Variants in HS6ST3 observed in about 807,000 individuals in gnomAD.
HS6ST3 encodes the protein heparan-sulfate 6-O-sulfotransferase 3.
In HS6ST3, 12 loss-of-function variants were observed where a neutral mutation model predicts 36.7. The ratio of observed to expected loss-of-function variants is 0.33; its 90% CI spans 0.21 to 0.53. HS6ST3 has a LOEUF of 0.53. Ranked by LOEUF, HS6ST3 falls within the 20% of genes least tolerant of loss-of-function variation. The pLI is 0.95. For missense variants in HS6ST3, 584 were observed against 640.9 expected (o/e 0.91, Z 0.96); for synonymous variants, 240 against 257.5 (o/e 0.93, Z 0.65).
intron 1 of HS6ST3, among the ~76,000 whole-genome samples, chr13:96,652,880 G>A (rs1282219853): frequency 6.6e-6 from 1 of 152,060 alleles, no homozygotes; most frequent in Non-Finnish European, 1.5e-5. Context: ...TATAAAATAA[G>A]CAGCACTTAC....
chr13:96,110,039 A>G (rs1363163517), intron 1 of HS6ST3, among the ~76,000 whole-genome samples: 4 of 152,152 alleles, frequency 2.6e-5, no homozygotes, highest in Non-Finnish European at 5.9e-5. Context: ...GAGGCTTCTG[A>G]ATTAGTCCAT....
At chr13:96,307,340 A>G (rs1345179586) in intron 1 of HS6ST3, among the ~76,000 whole-genome samples, 1 of 152,192 alleles carries the variant, frequency 6.6e-6, no homozygotes, top group Non-Finnish European at 1.5e-5. Flanking sequence ...TCTGCAAACA[A>G]TGAGAATAAT....
Position 96,135,013 on chromosome 13 carries a change from C to T in HS6ST3, c.707+43444C>T, listed in dbSNP as rs150704058. Among the ~76,000 whole-genome samples the T allele has an allele frequency of 5.8e-4, 88 of 152,288 alleles. 1 individual carries two copies. Among genetic ancestry groups the T allele is most frequent in the African/African-American group, 1.8e-3 (73 of 41,552 alleles). ...GGGACCTGCAAGTTTCTCAGCACTGCGCCACATTACTGAAAGAAGAGGTCA... is the reference window on the plus strand; with the variant it reads ...GGGACCTGCAAGTTTCTCAGCACTGTGCCACATTACTGAAAGAAGAGGTCA... On this transcript the variant is annotated intron_variant, in intron 1 of 1. Coordinates refer to ENST00000376705, the MANE Select transcript of HS6ST3 (RefSeq NM_153456.4).
intron 1 of HS6ST3, among the ~76,000 whole-genome samples, chr13:96,666,025 G>A (rs1016629078): frequency 6.6e-6 from 1 of 152,124 alleles, no homozygotes; most frequent in Non-Finnish European, 1.5e-5. Context: ...AGACATACCC[G>A]AGACTGGGTA....
chr13:96,574,451 C>G, intron 1 of HS6ST3: 1 of 479,946 alleles, frequency 2.1e-6, no homozygotes, highest in Admixed American at 2.9e-5. Flanking sequence ...TTATTGACAG[C>G]ACTGTTTCCA....
intron 1 of HS6ST3, among the ~76,000 whole-genome samples, chr13:96,260,586 G>A (rs1470956957): frequency 2.6e-5 from 4 of 151,686 alleles, no homozygotes; most frequent in Admixed American, 2.6e-4. Flanking sequence ...CCAAAGTGCT[G>A]GGATTACAGG....
intron 1 of HS6ST3, among the ~76,000 whole-genome samples, chr13:96,690,102 C>T (rs1356842573): frequency 2.6e-5 from 4 of 152,062 alleles, no homozygotes; most frequent in Admixed American, 1.3e-4. Context: ...TCATTCCTTA[C>T]GTCCTTACAA....
chr13:96,427,610 C>T (rs1237691561), intron 1 of HS6ST3, among the ~76,000 whole-genome samples: 1 of 151,898 alleles, frequency 6.6e-6, no homozygotes, highest in Non-Finnish European at 1.5e-5. Context: ...AAAGATAGAA[C>T]TGAGAGTTTT....
intron 1 of HS6ST3, among the ~76,000 whole-genome samples, chr13:96,141,494 G>A (rs1457026854): frequency 6.6e-6 from 1 of 151,966 alleles, no homozygotes; most frequent in Admixed American, 6.6e-5. Context: ...GCTGAGACAG[G>A]TGTGCGCCAT....
At chr13:96,428,976 A>G (rs2055601025) in intron 1 of HS6ST3, among the ~76,000 whole-genome samples, 1 of 152,250 alleles carries the variant, frequency 6.6e-6, no homozygotes, top group South Asian at 2.1e-4. Flanking sequence ...TGACTATAAG[A>G]AAATCACGTG....
intron 1 of HS6ST3, among the ~76,000 whole-genome samples, chr13:96,299,667 T>C (rs1335778320): frequency 2.0e-5 from 3 of 152,176 alleles, no homozygotes; most frequent in Non-Finnish European, 2.9e-5. Context: ...ATTTGCACTT[T>C]AGCATGAAGT....
rs538883746 is a variant in HS6ST3 at position 96,338,235 on chromosome 13, C to T, written c.707+246666C>T. On this transcript the variant is annotated intron_variant, in intron 1 of 1. Coordinates refer to ENST00000376705, the MANE Select transcript of HS6ST3 (RefSeq NM_153456.4). Reference sequence around the variant, plus strand: ...AGTCACACAAAGGCTACTTGAAACTCCACAAATGGCCGGTGAGCCACGTTG... The same window carrying T: ...AGTCACACAAAGGCTACTTGAAACTTCACAAATGGCCGGTGAGCCACGTTG... 3.3e-5 allele frequency among the ~76,000 whole-genome samples: 5 copies of T among 152,212 alleles called. No homozygotes were observed. In the South Asian group the frequency reaches 1.0e-3, roughly 32 times the overall value.
At chr13:96,137,785 A>AG (rs1402444201) in intron 1 of HS6ST3, among the ~76,000 whole-genome samples, 2 of 152,208 alleles carry the variant, frequency 1.3e-5, no homozygotes, top group Non-Finnish European at 2.9e-5. Flanking sequence ...CAGGCCGCCC[A>AG]GGGAAGCAGA....
Position 96,092,957 on chromosome 13 carries a change from G to A in HS6ST3, c.707+1388G>A, listed in dbSNP as rs572376891. Among the ~76,000 whole-genome samples the A allele has an allele frequency of 1.8e-4, 28 of 152,156 alleles. No homozygotes were observed. In the South Asian group the frequency reaches 5.6e-3, roughly 30 times the overall value. ...CCTTTGCTTTTAAATATTTTTAATA[G>A]TGTATTACTTTGGATCTTGCCACTC... On this transcript the variant is annotated intron_variant, in intron 1 of 1. Transcript: ENST00000376705.
intron 1 of HS6ST3, among the ~76,000 whole-genome samples, chr13:96,656,445 A>G (rs1236743822): frequency 6.6e-6 from 1 of 152,162 alleles, no homozygotes; most frequent in Non-Finnish European, 1.5e-5. Context: ...TAGTAAACTC[A>G]TGTTCCAAGA....
At chr13:96,229,504 T>C (rs1213369956) in intron 1 of HS6ST3, among the ~76,000 whole-genome samples, 1 of 152,154 alleles carries the variant, frequency 6.6e-6, no homozygotes, top group Non-Finnish European at 1.5e-5. Flanking sequence ...GGTGTCTTCA[T>C]GTGGTGGAGA....
chr13:96,763,261 T>G (rs1877012526), intron 1 of HS6ST3, among the ~76,000 whole-genome samples: 2 of 149,412 alleles, frequency 1.3e-5, no homozygotes, highest in South Asian at 4.2e-4. Flanking sequence ...ATAGAAAAAT[T>G]TATATATTTA....
intron 1 of HS6ST3, among the ~76,000 whole-genome samples, chr13:96,690,150 T>G (rs1483867202): frequency 6.6e-6 from 1 of 152,044 alleles, no homozygotes; most frequent in Non-Finnish European, 1.5e-5. Flanking sequence ...AACATTAGGT[T>G]TAATAGCATG....
intron 1 of HS6ST3, among the ~76,000 whole-genome samples, chr13:96,163,344 C>T (rs1194825119): frequency 3.3e-5 from 5 of 150,020 alleles, no homozygotes; most frequent in Non-Finnish European, 7.4e-5. Flanking sequence ...ATTCTCCTGC[C>T]TTAGCCTCCT....
Sources: gnomAD v4.1 joint callset for allele counts (sites outside exome capture counted in the v4.1 genomes callset) on GRCh38, gnomAD v4.1.1 for gene constraint, MANE v1.5 for transcripts, NCBI Gene and HGNC (gene_info 2026-07-23, HGNC 2026-07-21) for gene names.